The following PCCA variants were observed in gnomAD, a reference collection of about 807,000 sequenced individuals.
PCCA encodes the protein propionyl-CoA carboxylase subunit alpha.
Under a neutral mutation model 101.3 loss-of-function variants are expected in PCCA, and 74 were observed. The observed-to-expected ratio is 0.73, with a 90% confidence interval of 0.61 to 0.89. The LOEUF (loss-of-function observed/expected upper bound fraction) is 0.89. Ranked by LOEUF, PCCA falls within the 40% of genes least tolerant of loss-of-function variation. The pLI, the probability that PCCA is intolerant of heterozygous loss-of-function variation, is 0.00. For missense variants in PCCA, 891 were observed against 907.0 expected, an observed-to-expected ratio of 0.98 and a Z score of 0.23; for synonymous variants, 294 against 313.6, an observed-to-expected ratio of 0.94 and a Z score of 0.66.
intron 4 of PCCA, chr13:100,154,389 G>A (rs2152381761): frequency 6.5e-6 from 1 of 154,378 alleles, no homozygotes; most frequent in South Asian, 2.0e-4. Flanking sequence ...ATTTCTTTTA[G>A]GAATAAATGT....
At chr13:100,296,931 A>T (rs1318729686) in intron 12 of PCCA, among the ~76,000 whole-genome samples, 2 of 152,306 alleles carry the variant, frequency 1.3e-5, no homozygotes, top group Admixed American at 1.3e-4. Context: ...CATTGCATTT[A>T]GTTGTTGTAT....
At chr13:100,347,760 A>G (rs1479945719) in intron 18 of PCCA, among the ~76,000 whole-genome samples, 4 of 152,352 alleles carry the variant, frequency 2.6e-5, no homozygotes, top group Admixed American at 2.0e-4. Context: ...GTAGACTGCA[A>G]GTTCACTTAT....
intron 2 of PCCA, among the ~76,000 whole-genome samples, 154 bp from the exon 3 acceptor site, chr13:100,111,687 A>G (rs556902264): frequency 6.6e-6 from 1 of 152,318 alleles, no homozygotes; most frequent in South Asian, 2.1e-4. Flanking sequence ...ATTTAATATT[A>G]CTGTAAGTAA....
At chr13:100,439,801 A>C (rs1235202041) in intron 20 of PCCA, among the ~76,000 whole-genome samples, 1 of 152,104 alleles carries the variant, frequency 6.6e-6, no homozygotes, top group Non-Finnish European at 1.5e-5. Flanking sequence ...TTCAGGCCTG[A>C]GGAGTAGCTA....
chr13:100,149,774 A>C (rs1200467913), intron 4 of PCCA: 1 of 152,186 alleles, frequency 6.6e-6, no homozygotes, highest in African/African-American at 2.4e-5. Flanking sequence ...AGGCATGAAG[A>C]AACATTTCCA....
chr13:100,206,738 C>T (rs905138249), intron 6 of PCCA, among the ~76,000 whole-genome samples: 1 of 152,292 alleles, frequency 6.6e-6, no homozygotes, highest in Middle Eastern at 3.4e-3. Context: ...ACGAAGGTCT[C>T]TGACCTTCCC....
intron 4 of PCCA, among the ~76,000 whole-genome samples, chr13:100,122,020 G>T (rs1298805573): frequency 6.6e-6 from 1 of 152,168 alleles, no homozygotes; most frequent in Admixed American, 6.5e-5. Context: ...GGTGGAAGAA[G>T]TTAATTGCTA....
intron 6 of PCCA, among the ~76,000 whole-genome samples, chr13:100,195,010 A>G (rs1252263641): frequency 1.3e-5 from 2 of 152,242 alleles, no homozygotes; most frequent in Non-Finnish European, 2.9e-5. Context: ...TTTGCAACCA[A>G]AAAGGTACCA....
At chr13:100,304,317 G>T (rs1241367482) in intron 14 of PCCA, among the ~76,000 whole-genome samples, 2 of 152,198 alleles carry the variant, frequency 1.3e-5, no homozygotes, top group Admixed American at 6.5e-5. Flanking sequence ...TCAGCTAAAT[G>T]GACCAAGGAG....
At chr13:100,378,286 C>T (rs1433721365) in intron 19 of PCCA, among the ~76,000 whole-genome samples, 1 of 152,160 alleles carries the variant, frequency 6.6e-6, no homozygotes, top group Admixed American at 6.5e-5. Context: ...GTGGTTTCTG[C>T]TAAGATGTCG....
intron 7 of PCCA, among the ~76,000 whole-genome samples, chr13:100,212,880 C>T (rs2059301841): frequency 1.3e-5 from 2 of 151,652 alleles, no homozygotes; most frequent in South Asian, 2.1e-4. Flanking sequence ...CACCCCCACT[C>T]CTCCCCACTA....
intron 21 of PCCA, among the ~76,000 whole-genome samples, chr13:100,493,221 G>A (rs2085032265): frequency 6.6e-6 from 1 of 152,216 alleles, no homozygotes; most frequent in Non-Finnish European, 1.5e-5. Context: ...TTGAGCACGT[G>A]TCGGCCAAGC....
chr13:100,159,931 C>T (rs750989322), intron 6 of PCCA, among the ~76,000 whole-genome samples: 7 of 152,110 alleles, frequency 4.6e-5, no homozygotes, highest in Non-Finnish European at 8.8e-5. Context: ...TAATTTCTTT[C>T]CTTGGACTTT....
At chr13:100,435,774 T>TG (rs2079885968) in intron 20 of PCCA, among the ~76,000 whole-genome samples, 1 of 152,202 alleles carries the variant, frequency 6.6e-6, no homozygotes, top group Admixed American at 6.5e-5. Context: ...CCAGGTGTGG[T>TG]GGCTCATGCC....
At chr13:100,478,729 A>T (rs1209117965) in intron 21 of PCCA, among the ~76,000 whole-genome samples, 4 of 152,170 alleles carry the variant, frequency 2.6e-5, no homozygotes, top group Non-Finnish European at 4.4e-5. Context: ...GCCCTGGGGC[A>T]TGAACACTCG....
At chr13:100,300,980 A>G (rs190153716) in intron 12 of PCCA, among the ~76,000 whole-genome samples, 1 of 152,346 alleles carries the variant, frequency 6.6e-6, no homozygotes, top group Admixed American at 6.5e-5. Context: ...GCAAGATTAC[A>G]CTAATCTGGC....
intron 6 of PCCA, among the ~76,000 whole-genome samples, chr13:100,171,744 T>C (rs2055672664): frequency 6.6e-6 from 1 of 151,958 alleles, no homozygotes; most frequent in Non-Finnish European, 1.5e-5. Context: ...AAAAATTAGC[T>C]GGGTGTGGCT....
At chr13:100,516,736 CGTGT>C (rs3840000) in intron 22 of PCCA, among the ~76,000 whole-genome samples, 94 of 145,064 alleles carry the variant, frequency 6.5e-4, no homozygotes, top group Admixed American at 1.5e-3. Context: ...AGAAAAATTA[CGTGT>C]GTGTGTGTGT....
intron 21 of PCCA, among the ~76,000 whole-genome samples, chr13:100,464,274 T>G (rs2082358969): frequency 6.6e-6 from 1 of 152,204 alleles, no homozygotes; most frequent in African/African-American, 2.4e-5. Context: ...TGCATTTGAA[T>G]CGCAGATCAC....
Sources: allele counts gnomAD v4.1 joint callset (sites outside exome capture counted in the v4.1 genomes callset), GRCh38; gene constraint gnomAD v4.1.1; transcripts MANE v1.5; gene names NCBI Gene and HGNC (gene_info 2026-07-23, HGNC 2026-07-21).